Variants in DPP6 observed in about 807,000 individuals in gnomAD.
The protein encoded by DPP6 is A-type potassium channel modulatory protein DPP6.
A neutral mutation model predicts 122.6 loss-of-function variants in DPP6; 69 were observed. The ratio of observed to expected loss-of-function variants is 0.56; its 90% CI spans 0.46 to 0.69. DPP6 has a LOEUF of 0.69. Ranked by LOEUF, DPP6 falls within the 30% of genes least tolerant of loss-of-function variation. The pLI, the probability that DPP6 is intolerant of heterozygous loss-of-function variation, is 0.00. For synonymous variants in DPP6, 418 were observed against 433.1 expected, an observed-to-expected ratio of 0.97 and a Z score of 0.43; for missense variants, 928 against 1,116.9, an observed-to-expected ratio of 0.83 and a Z score of 2.41.
Position 154,281,213 on chromosome 7 carries a change from A to C in DPP6, c.244-165001A>C, listed in dbSNP as rs182519035. On this transcript the variant is annotated intron_variant, in intron 1 of 25. Coordinates refer to ENST00000377770, the MANE Select transcript of DPP6 (RefSeq NM_130797.4). ...TTTTTAGTAGAGACGGGGTTTCACTATGTTGGCCAGGCGGCTCTTAAACTC... is the reference window on the plus strand; with the variant it reads ...TTTTTAGTAGAGACGGGGTTTCACTCTGTTGGCCAGGCGGCTCTTAAACTC... Among the ~76,000 whole-genome samples, 1,421 of 152,016 alleles carry C rather than the reference A, an allele frequency of 9.3e-3. 25 individuals are homozygous for C. The highest frequency in any genetic ancestry group is 0.032 in the African/African-American group (1,325 of 41,438).
At chr7:154,086,772 C>G (rs1263549026) in intron 1 of DPP6, among the ~76,000 whole-genome samples, 2 of 152,182 alleles carry the variant, frequency 1.3e-5, no homozygotes, top group East Asian at 1.9e-4. Flanking sequence ...GGGCCCATCA[C>G]CACGCCCGGC....
rs1585523255 is a variant in DPP6, at chr7:154,162,391, A to G, written c.243+109328A>G. ...GTGAATAACCCACAATGCCATAGAC[A>G]TTCATTTTTCTATACACTTAAGGGT... On this transcript the variant is annotated intron_variant, in intron 1 of 25. Transcript: ENST00000377770. Among the ~76,000 whole-genome samples the G allele has an allele frequency of 3.3e-5, 5 of 152,242 alleles. No individual in the cohort carries two copies. In the East Asian group the frequency reaches 9.6e-4, roughly 29 times the overall value.
intron 1 of DPP6, among the ~76,000 whole-genome samples, chr7:154,042,791 T>G (rs1335341599): frequency 6.6e-6 from 1 of 152,230 alleles, no homozygotes; most frequent in African/African-American, 2.4e-5. Flanking sequence ...CAATGGGAGA[T>G]AGAAGAGTCT....
At chr7:154,864,889 G>C (rs1803721763) in intron 17 of DPP6, among the ~76,000 whole-genome samples, 1 of 152,168 alleles carries the variant, frequency 6.6e-6, no homozygotes, top group South Asian at 2.1e-4. Context: ...CTGTTTGGTG[G>C]CCAGCCTGTG....
chr7:154,240,223 T>G (rs1801498594), intron 1 of DPP6, among the ~76,000 whole-genome samples: 1 of 152,048 alleles, frequency 6.6e-6, no homozygotes, highest in African/African-American at 2.4e-5. Flanking sequence ...TTAGCTAAGT[T>G]TATGTCCAAT....
the DPP6 span, among the ~76,000 whole-genome samples, chr7:153,846,723 C>T: frequency 1.1e-4 from 14 of 123,660 alleles, no homozygotes; most frequent in Admixed American, 2.9e-4. Flanking sequence ...GACAGAGTCT[C>T]GCTCTGTTAC....
intron 1 of DPP6, among the ~76,000 whole-genome samples, chr7:154,064,356 G>A (rs1440160873): frequency 1.3e-5 from 2 of 152,130 alleles, no homozygotes; most frequent in Admixed American, 1.3e-4. Flanking sequence ...AGCGTCAAGT[G>A]CCTGGAATCC....
chr7:154,046,003 A>G (rs1048346455), intron 1 of DPP6, among the ~76,000 whole-genome samples: 19 of 152,026 alleles, frequency 1.2e-4, no homozygotes, highest in Non-Finnish European at 2.6e-4. Flanking sequence ...ATGCTGTTTA[A>G]CCAATTATCC....
At chr7:154,698,233 G>A (rs966627558) in intron 7 of DPP6, among the ~76,000 whole-genome samples, 1 of 152,086 alleles carries the variant, frequency 6.6e-6, no homozygotes, top group African/African-American at 2.4e-5. Context: ...TAGTTACATA[G>A]TATTTCATTG....
At chr7:154,449,384 A>G (rs889404827) in intron 2 of DPP6, among the ~76,000 whole-genome samples, 1 of 152,202 alleles carries the variant, frequency 6.6e-6, no homozygotes, top group Non-Finnish European at 1.5e-5. Context: ...ATACCACTTC[A>G]CATCCACTAG....
intron 1 of DPP6, among the ~76,000 whole-genome samples, chr7:154,356,660 T>G (rs922324880): frequency 6.6e-6 from 1 of 152,120 alleles, no homozygotes; most frequent in Non-Finnish European, 1.5e-5. Flanking sequence ...TGTAACTGAA[T>G]TCCATGGGCT....
rs530832459 is a variant in DPP6 at position 154,314,647 on chromosome 7, G to A, written c.244-131567G>A. ...GCTCACAAACCACACATCTAATTCAGCAGTCTAATCTTGCACAGGAGTAAA... is the reference window on the plus strand; with the variant it reads ...GCTCACAAACCACACATCTAATTCAACAGTCTAATCTTGCACAGGAGTAAA... On this transcript the variant is annotated intron_variant, in intron 1 of 25. Transcript: ENST00000377770. Among the ~76,000 whole-genome samples the A allele has an allele frequency of 3.9e-5, 6 of 152,344 alleles. No homozygotes were observed. In the South Asian group the frequency reaches 1.0e-3, roughly 26 times the overall value.
chr7:153,938,783 A>G (rs1029251110), intron 1 of DPP6, among the ~76,000 whole-genome samples: 12 of 152,204 alleles, frequency 7.9e-5, no homozygotes, highest in African/African-American at 2.4e-4. Flanking sequence ...TCACATCCAT[A>G]AAAGGGTTTC....
intron 1 of DPP6, among the ~76,000 whole-genome samples, chr7:154,096,715 C>T (rs933268059): frequency 5.3e-5 from 8 of 151,738 alleles, no homozygotes; most frequent in East Asian, 1.9e-4. Context: ...ATCTTATAAA[C>T]AATAGATTAA....
At chr7:154,805,083 G>A (rs1348054955) in intron 15 of DPP6, 119 bp downstream of exon 15, 3 of 1,352,956 alleles carry the variant, frequency 2.2e-6, no homozygotes, top group Non-Finnish European at 3.0e-6. Flanking sequence ...CCCCACCACA[G>A]AGGAGTAGCT....
At chr7:153,756,785 C>A in the DPP6 span, among the ~76,000 whole-genome samples, 2 of 151,274 alleles carry the variant, frequency 1.3e-5, no homozygotes, top group Admixed American at 6.6e-5. Context: ...TTATGACTTC[C>A]AGGATATTAC....
At chr7:154,790,391 C>T (rs56222243) in intron 10 of DPP6, among the ~76,000 whole-genome samples, 3,513 of 152,296 alleles carry the variant, frequency 0.023, 59 homozygotes, top group Non-Finnish European at 0.035. Context: ...AGGCAAAGAA[C>T]TGCCCAAAAT....
intron 1 of DPP6, among the ~76,000 whole-genome samples, chr7:154,252,420 T>C (rs1312295999): frequency 2.0e-5 from 3 of 152,268 alleles, no homozygotes; most frequent in Non-Finnish European, 4.4e-5. Context: ...CTGCTGGCTA[T>C]GATACGAACA....
intron 1 of DPP6, among the ~76,000 whole-genome samples, chr7:154,293,248 G>C (rs75762655): frequency 0.07 from 10,588 of 152,230 alleles, 500 homozygotes; most frequent in East Asian, 0.2. Flanking sequence ...AGCTTCCGCT[G>C]GTATTTCATC....
Sources: allele counts gnomAD v4.1 joint callset (sites outside exome capture counted in the v4.1 genomes callset), GRCh38; gene constraint gnomAD v4.1.1; transcripts MANE v1.5; gene names NCBI Gene and HGNC (gene_info 2026-07-23, HGNC 2026-07-21).